The following SIX3 variants were observed in gnomAD, a reference collection of about 807,000 sequenced individuals.
SIX3 encodes the protein SIX homeobox 3.
Under a neutral mutation model 21.7 loss-of-function variants are expected in SIX3, and 2 were observed. The observed-to-expected ratio is 0.09, with a 90% CI of 0.04 to 0.29. The LOEUF (loss-of-function observed/expected upper bound fraction) is 0.29, where lower values mean the gene tolerates loss of function less well. Ranked by LOEUF, SIX3 falls within the 10% of genes least tolerant of loss-of-function variation. SIX3 has a pLI of 1.00. For synonymous variants in SIX3, 243 were observed against 220.6 expected (o/e 1.10, Z -0.90); for missense variants, 347 against 480.7 (o/e 0.72, Z 2.60).
At position 44,945,762 on chromosome 2, in the gene SIX3, C is replaced by T. The variant is rs753436803; in HGVS notation, c.*1002C>T. ...CTTTCTCTTTCTCTCCTCTCCCTCTCTCTGTCTTTCTCCCCGCTCAACTGT... is the reference window on the plus strand; with the variant it reads ...CTTTCTCTTTCTCTCCTCTCCCTCTTTCTGTCTTTCTCCCCGCTCAACTGT... On this transcript the variant is annotated 3_prime_UTR_variant, in exon 2 of 2. Transcript: ENST00000260653. The T allele has an allele frequency of 5.3e-5, 8 of 152,214 alleles. No homozygotes were observed. The highest frequency in any genetic ancestry group is 1.9e-4 in the East Asian group (1 of 5,202). 9.4% of individuals were successfully genotyped at this position (152,214 alleles called of 1,614,324 possible).
At chr2:44,943,191 C>T (rs970279308) in intron 1 of SIX3, among the ~76,000 whole-genome samples, 2 of 152,242 alleles carry the variant, frequency 1.3e-5, no homozygotes, top group Non-Finnish European at 1.5e-5. Flanking sequence ...TGCGCTGCAC[C>T]CGTGCCTGCC....
In SIX3 at chr2:44,942,980, G is replaced by A. The variant is rs948812509; in HGVS notation, c.806+70G>A. 2.9e-5 allele frequency: 44 copies of A among 1,514,202 alleles called. No homozygotes were observed. The Middle Eastern group carries it at 5.3e-4, about 18-fold the overall frequency. The allele number at this position is 1,514,202 out of a possible 1,614,324, so 93.8% of individuals were successfully genotyped here. Reference sequence around the variant, plus strand: ...GGAAGGGGAGAGGGGTTGAGATGGGGCTAGCGGAGCGGCCGCTGAGAGCCA... The same window carrying A: ...GGAAGGGGAGAGGGGTTGAGATGGGACTAGCGGAGCGGCCGCTGAGAGCCA... On this transcript the variant is annotated intron_variant, in intron 1 of 1. Coordinates refer to ENST00000260653, the MANE Select transcript of SIX3 (RefSeq NM_005413.4). This position sits in a 1 kb window ranked among gnomAD's most constrained non-coding sequence, Gnocchi z 8.4.
Position 44,944,911 on chromosome 2 carries a change from G to T in SIX3, c.*151G>T. ...GATACCCAACCATACACACATACAAGTCCACACACACTCCCACCCCAGCCA... is the reference window on the plus strand; with the variant it reads ...GATACCCAACCATACACACATACAATTCCACACACACTCCCACCCCAGCCA... On this transcript the variant is annotated 3_prime_UTR_variant, in exon 2 of 2. Transcript: ENST00000260653. 2.8e-6 allele frequency: 2 copies of T among 715,664 alleles called. No homozygotes were observed. The highest frequency in any genetic ancestry group is 2.1e-5 in the Admixed American group (1 of 47,238). 44.3% of individuals were successfully genotyped at this position (715,664 alleles called of 1,614,324 possible).
chr2:44,941,903 T>G lies in SIX3; in HGVS notation c.-202T>G. ...CTCCCTCTCTATGTGGCTGCGCGGG[T>G]GTGTGTGTGTGTGGATGTGTGTGGG... On this transcript the variant is annotated 5_prime_UTR_variant, in exon 1 of 2. Transcript: ENST00000260653. 3 of 347,868 alleles carry G rather than the reference T, an allele frequency of 8.6e-6. No individual in the cohort carries two copies. Among genetic ancestry groups the G allele is most frequent in the East Asian group, 5.8e-5 (1 of 17,112 alleles). The allele number at this position is 347,868 out of a possible 1,614,324, so 21.5% of individuals were successfully genotyped here. A position where few individuals can be genotyped will look rare whatever the true frequency, so the allele number is the denominator to read the frequency against.
Position 44,944,564 on chromosome 2 carries a change from G to T in SIX3, c.807-4G>T, listed in dbSNP as rs777868380. ...GGGCGGGCGCGGATCTCTTTCTCCC[G>T]CAGGCTCCAGCACCAGGCCATTGGA... is the stretch of plus-strand genomic sequence containing the variant. On this transcript the variant is annotated splice_region_variant and splice_polypyrimidine_tract_variant and intron_variant, in intron 1 of 1. Coordinates refer to ENST00000260653, the MANE Select transcript of SIX3 (RefSeq NM_005413.4). The T allele has an allele frequency of 3.8e-6, 6 of 1,569,134 alleles. No homozygotes were observed. Among genetic ancestry groups the T allele is most frequent in the South Asian group, 1.1e-5 (1 of 87,654 alleles).
chr2:44,945,371 G>C lies in SIX3; in HGVS notation c.*611G>C, dbSNP rs1666673850. 6.8e-6 allele frequency: 1 copy of C among 146,178 alleles called. No individual in the cohort carries two copies. The highest frequency in any genetic ancestry group is 1.5e-5 in the Non-Finnish European group (1 of 67,158). 9.1% of individuals were successfully genotyped at this position (146,178 alleles called of 1,614,324 possible). ...GAAAAAAAAAAAAAAAGAACTCCTG[G>C]AGAGGGAAATAGCAAATGTGTCTTG... On this transcript the variant is annotated 3_prime_UTR_variant, in exon 2 of 2. Transcript: ENST00000260653.
In SIX3 at chr2:44,944,826, CCCT is replaced by C; in HGVS notation, c.*74_*76del. ...CCACTCCTTCCCCTCCGCCTCCTAG[CCCT>C]CCTCCTCTTCCTCCTCTTCCTTCTC... On this transcript the variant is annotated 3_prime_UTR_variant, in exon 2 of 2. Transcript: ENST00000260653. 7.2e-7 allele frequency: 1 copy of C among 1,394,678 alleles called. No individual in the cohort carries two copies. Among genetic ancestry groups the C allele is most frequent in the South Asian group, 1.2e-5 (1 of 81,382 alleles). The allele number at this position is 1,394,678 out of a possible 1,614,324, so 86.4% of individuals were successfully genotyped here.
At chr2:44,944,286 G>T in intron 1 of SIX3, among the ~76,000 whole-genome samples, 1 of 152,348 alleles carries the variant, frequency 6.6e-6, no homozygotes, top group Non-Finnish European at 1.5e-5. Context: ...GAACTCGACC[G>T]GTCGCGGGGC....
Position 44,943,197 on chromosome 2 carries a change from C to A in SIX3, c.806+287C>A, listed in dbSNP as rs1246440735. On this transcript the variant is annotated intron_variant, in intron 1 of 1. Transcript: ENST00000260653. Reference sequence around the variant, plus strand: ...ACTTAGCCCTGCGCTGCACCCGTGCCTGCCTCCTCAGCCCTGCCGCCAGCT... The same window carrying A: ...ACTTAGCCCTGCGCTGCACCCGTGCATGCCTCCTCAGCCCTGCCGCCAGCT... 3.9e-5 allele frequency among the ~76,000 whole-genome samples: 6 copies of A among 152,374 alleles called. No homozygotes were observed. The East Asian group carries it at 1.2e-3, about 29-fold the overall frequency.
Position 44,942,724 on chromosome 2 carries a change from A to C in SIX3, c.620A>C (p.Glu207Ala). The C allele has an allele frequency of 1.2e-6, 2 of 1,602,164 alleles. No homozygotes were observed. The highest frequency in any genetic ancestry group is 1.7e-6 in the Non-Finnish European group (2 of 1,179,820). The part of the protein sequence containing the change: ...FPLPRTIWDG[E>A]QKTHCFKERT... Reference sequence around the variant, plus strand: ...CTGCCACGCACCATCTGGGACGGCGAGCAGAAGACGCATTGCTTCAAGGAG... The same window carrying C: ...CTGCCACGCACCATCTGGGACGGCGCGCAGAAGACGCATTGCTTCAAGGAG... The change falls in exon 1 of 2, where the codon GAG (glutamate) becomes GCG (alanine). Residue 207 changes from glutamate (E) to alanine (A), a missense_variant. Around this residue, in one of 4 missense-constraint regions of SIX3, gnomAD observed 117 missense variants for 205.9 expected, o/e 0.57. Transcript: ENST00000260653. This position sits in a 1 kb window ranked among gnomAD's most constrained non-coding sequence, Gnocchi z 8.4.
chr2:44,942,534 A>C lies in SIX3; in HGVS notation c.430A>C (p.Asn144His). 6.3e-7 allele frequency: 1 copy of C among 1,598,600 alleles called. No individual in the cohort carries two copies. Among genetic ancestry groups the C allele is most frequent in the Admixed American group, 1.7e-5 (1 of 59,990 alleles). Residue 144 changes from asparagine to histidine, a missense_variant, in exon 1 of 2, where the codon AAC (asparagine) becomes CAC (histidine). Asn to His is a moderately conservative substitution (Grantham distance 68). Coordinates refer to ENST00000260653, the MANE Select transcript of SIX3 (RefSeq NM_005413.4). This position sits in a 1 kb window ranked among gnomAD's most constrained non-coding sequence, Gnocchi z 8.4. ...ARAVVAFHTG[N>H]FRDLYHILEN... ...CGCCGTGGTCGCCTTCCACACGGGCAACTTCCGCGACCTCTACCACATCCT... is the reference window on the plus strand; with the variant it reads ...CGCCGTGGTCGCCTTCCACACGGGCCACTTCCGCGACCTCTACCACATCCT...
rs200844888 is a variant in SIX3 at position 44,942,656 on chromosome 2, A to G, written c.552A>G (p.Pro184=). 149 of 1,598,432 alleles carry G rather than the reference A, an allele frequency of 9.3e-5. 1 individual carries two copies. In the Middle Eastern group the frequency reaches 6.4e-3, roughly 69 times the overall value. ...YQEAEKLRGR[P]LGPVDKYRVR... ...AGGCCGAGAAGCTGCGCGGCCGCCC[A>G]CTCGGCCCGGTGGACAAGTACCGCG... The change falls in exon 1 of 2, where the codon CCA becomes CCG. Residue 184 remains proline, a synonymous_variant. Coordinates refer to ENST00000260653, the MANE Select transcript of SIX3 (RefSeq NM_005413.4). This position sits in a 1 kb window ranked among gnomAD's most constrained non-coding sequence, Gnocchi z 8.4.
Position 44,944,837 on chromosome 2 carries a change from T to G in SIX3, c.*77T>G. The stretch of plus-strand genomic sequence containing the variant: ...CCTCCGCCTCCTAGCCCTCCTCCTC[T>G]TCCTCCTCTTCCTTCTCCTCCTCCA... On this transcript the variant is annotated 3_prime_UTR_variant, in exon 2 of 2. Coordinates refer to ENST00000260653, the MANE Select transcript of SIX3 (RefSeq NM_005413.4). 1 of 1,256,526 alleles carries G rather than the reference T, an allele frequency of 8.0e-7. No homozygotes were observed. The highest frequency in any genetic ancestry group is 1.1e-6 in the Non-Finnish European group (1 of 896,966). The allele number at this position is 1,256,526 out of a possible 1,614,324, so 77.8% of individuals were successfully genotyped here.
Position 44,944,644 on chromosome 2 carries a change from G to C in SIX3, c.883G>C (p.Glu295Gln). 1 of 1,574,590 alleles carries C rather than the reference G, an allele frequency of 6.4e-7. No homozygotes were observed. Among genetic ancestry groups the C allele is most frequent in the Non-Finnish European group, 8.6e-7 (1 of 1,168,096 alleles). Reference sequence around the variant, plus strand: ...CGGCTGCCCCACGCACGGCTCGGCAGAGTCGCCGTCCACGGCGGCCAGCCC... The same window carrying C: ...CGGCTGCCCCACGCACGGCTCGGCACAGTCGCCGTCCACGGCGGCCAGCCC... ...EPGCPTHGSA[E>Q]SPSTAASPTT... is the part of the protein sequence containing the mutation. The change falls in exon 2 of 2, where the codon GAG becomes CAG. Residue 295 changes from glutamate (E) to glutamine (Q), a missense_variant. By Grantham distance (29) the Glu-to-Gln change is conservative (BLOSUM62 2). This residue lies in a region of SIX3 where 110 missense variants were observed against 93.3 expected (regional missense o/e 1.18). Transcript: ENST00000260653.
intron 1 of SIX3, among the ~76,000 whole-genome samples, chr2:44,943,380 G>A (rs1258861847): frequency 6.6e-6 from 1 of 152,216 alleles, no homozygotes; most frequent in Non-Finnish European, 1.5e-5. Flanking sequence ...AAGGCCAGAG[G>A]CCACTGCGCA....
chr2:44,944,907 A>G lies in SIX3; in HGVS notation c.*147A>G, dbSNP rs1289505368. 1.4e-6 allele frequency: 1 copy of G among 723,266 alleles called. No individual in the cohort carries two copies. 44.8% of individuals were successfully genotyped at this position (723,266 alleles called of 1,614,324 possible). A position where few individuals can be genotyped will look rare whatever the true frequency, so the allele number is the denominator to read the frequency against. On this transcript the variant is annotated 3_prime_UTR_variant, in exon 2 of 2. Coordinates refer to ENST00000260653, the MANE Select transcript of SIX3 (RefSeq NM_005413.4). ...TCAGGATACCCAACCATACACACAT[A>G]CAAGTCCACACACACTCCCACCCCA...
At position 44,942,183 on chromosome 2, in the gene SIX3, A is replaced by G. The variant is rs773982749; in HGVS notation, c.79A>G (p.Ile27Val). 1.9e-6 allele frequency: 3 copies of G among 1,597,066 alleles called. No individual in the cohort carries two copies. Among genetic ancestry groups the G allele is most frequent in the Non-Finnish European group, 2.5e-6 (3 of 1,178,854 alleles). Residue 27 changes from isoleucine (I) to valine (V), a missense_variant, in exon 1 of 2, where the codon ATA becomes GTA. Coordinates refer to ENST00000260653, the MANE Select transcript of SIX3 (RefSeq NM_005413.4). This position sits in a 1 kb window ranked among gnomAD's most constrained non-coding sequence, Gnocchi z 8.4. ...CTTCGCCGATTCTCACCACCGCTCC[A>G]TACTTCTGGCGAGTAGCGGCGGCGG... Reference protein sequence around the residue: ...PNFADSHHRSILLASSGGGNG... With the variant: ...PNFADSHHRSVLLASSGGGNG...
intron 1 of SIX3, among the ~76,000 whole-genome samples, chr2:44,944,145 A>G (rs1666640579): frequency 6.6e-6 from 1 of 151,770 alleles, no homozygotes; most frequent in South Asian, 2.1e-4. Context: ...TATTTTCTCT[A>G]CCCTCGGTCC....
rs1279678782 is a variant in SIX3, at chr2:44,944,816, C to A, written c.*56C>A. On this transcript the variant is annotated 3_prime_UTR_variant, in exon 2 of 2. Transcript: ENST00000260653. The stretch of plus-strand genomic sequence containing the variant: ...CCCTCCTCCCCCACTCCTTCCCCTC[C>A]GCCTCCTAGCCCTCCTCCTCTTCCT... The A allele has an allele frequency of 2.9e-5, 43 of 1,460,298 alleles. No homozygotes were observed. The highest frequency in any genetic ancestry group is 4.2e-5 in the African/African-American group (3 of 71,480). The allele number at this position is 1,460,298 out of a possible 1,614,324, so 90.5% of individuals were successfully genotyped here.
Sources: allele counts gnomAD v4.1 joint callset (sites outside exome capture counted in the v4.1 genomes callset), GRCh38; gene constraint gnomAD v4.1.1; regional missense constraint gnomAD v4.1.1; non-coding constraint Gnocchi (gnomAD v3.1); transcripts MANE v1.5; gene names NCBI Gene and HGNC (gene_info 2026-07-23, HGNC 2026-07-21).